NRXN3: variants seen among roughly 807,000 people sequenced by gnomAD.
The protein encoded by NRXN3 is neurexin III.
NRXN3 carries 32 observed loss-of-function variants against 137.6 expected under a neutral mutation model. The observed-to-expected ratio is 0.23, with a 90% CI of 0.18 to 0.31. The LOEUF (loss-of-function observed/expected upper bound fraction) is 0.31, where lower values mean the gene tolerates loss of function less well. Ranked by LOEUF, NRXN3 falls within the 10% of genes least tolerant of loss-of-function variation. The probability of loss-of-function intolerance (pLI) is 1.00; values close to 1 mark genes in which losing one functional copy is unlikely to be tolerated. For synonymous variants in NRXN3, 798 were observed against 784.5 expected, an observed-to-expected ratio of 1.02 and a Z score of -0.29; for missense variants, 1,574 against 2,062.5, an observed-to-expected ratio of 0.76 and a Z score of 4.59.
intron 4 of NRXN3, among the ~76,000 whole-genome samples, chr14:78,503,185 T>C (rs1414220398): frequency 6.6e-6 from 1 of 152,194 alleles, no homozygotes; most frequent in Non-Finnish European, 1.5e-5. Context: ...ATTAGCATAA[T>C]ACCTAAGGGC....
intron 15 of NRXN3, among the ~76,000 whole-genome samples, chr14:79,441,290 A>G (rs1039864791): frequency 2.6e-4 from 39 of 151,020 alleles, no homozygotes; most frequent in African/African-American, 9.2e-4. Flanking sequence ...TTCATTTTCA[A>G]TTCTAAAAAT....
At chr14:79,428,286 A>G (rs931202929) in intron 15 of NRXN3, among the ~76,000 whole-genome samples, 1 of 152,014 alleles carries the variant, frequency 6.6e-6, no homozygotes, top group Non-Finnish European at 1.5e-5. Flanking sequence ...GGGAAATACT[A>G]CTTCTAAAAC....
rs184086116 is a variant in NRXN3, at chr14:78,488,166, G to A, written c.758-156954G>A. Among the ~76,000 whole-genome samples the A allele has an allele frequency of 6.6e-4, 101 of 152,144 alleles. 1 individual carries two copies. The highest frequency in any genetic ancestry group is 2.3e-3 in the African/African-American group (96 of 41,468). On this transcript the variant is annotated intron_variant, in intron 4 of 20. Coordinates refer to ENST00000335750, the MANE Select transcript of NRXN3 (RefSeq NM_001330195.2). ...ATTTCTTCATTCCAAATTTCCTCTT[G>A]TTATAAGGATACCAGTCACACTGGA...
intron 8 of NRXN3, among the ~76,000 whole-genome samples, chr14:78,765,997 A>G (rs1190992121): frequency 2.0e-5 from 3 of 152,156 alleles, no homozygotes; most frequent in Non-Finnish European, 4.4e-5. Flanking sequence ...CCTTCAGCTG[A>G]AGGAGATGGT....
intron 15 of NRXN3, among the ~76,000 whole-genome samples, chr14:79,406,020 C>T (rs745839059): frequency 5.3e-5 from 8 of 152,046 alleles, no homozygotes; most frequent in East Asian, 1.9e-4. Flanking sequence ...ATTAAACAAA[C>T]GCACAAATAA....
chr14:78,577,705 T>A (rs1000854220), intron 4 of NRXN3, among the ~76,000 whole-genome samples: 44 of 152,198 alleles, frequency 2.9e-4, no homozygotes, highest in African/African-American at 1.1e-3. Context: ...CCTCAGGTGA[T>A]CCACCCGCCT....
rs78518460 is a variant in NRXN3 at position 79,533,992 on chromosome 14, T to A, written c.3444+66590T>A. Among the ~76,000 whole-genome samples, 981 of 152,334 alleles carry A rather than the reference T, an allele frequency of 6.4e-3. 7 individuals carry two copies. Among genetic ancestry groups the A allele is most frequent in the African/African-American group, 0.022 (924 of 41,586 alleles). On this transcript the variant is annotated intron_variant, in intron 16 of 20. Coordinates refer to ENST00000335750, the MANE Select transcript of NRXN3 (RefSeq NM_001330195.2). ...TGCAAATGTACTCCTTAACTTTGAATACACTTTTTTCTCTAAGGCGAAAGT... is the reference window on the plus strand; with the variant it reads ...TGCAAATGTACTCCTTAACTTTGAAAACACTTTTTTCTCTAAGGCGAAAGT...
intron 1 of NRXN3, among the ~76,000 whole-genome samples, chr14:78,236,530 A>G (rs1284108249): frequency 6.6e-6 from 1 of 152,242 alleles, no homozygotes. Context: ...TGTTGCCATG[A>G]ACATTCTCAT....
At chr14:78,747,795 G>T (rs1322150979) in intron 8 of NRXN3, among the ~76,000 whole-genome samples, 1 of 152,090 alleles carries the variant, frequency 6.6e-6, no homozygotes, top group Non-Finnish European at 1.5e-5. Flanking sequence ...AGACAATTTT[G>T]CCCTTCTGCT....
rs141731907 is a variant in NRXN3 at position 78,269,516 on chromosome 14, C to T, written c.710-9129C>T. ...AGATGGAAAGTGTGGAAGTGGACAA[C>T]GGTGGTGGTTGTACAACATTACGAA... On this transcript the variant is annotated intron_variant, in intron 2 of 20. Transcript: ENST00000335750. Among the ~76,000 whole-genome samples the T allele has an allele frequency of 3.3e-4, 50 of 152,210 alleles. 2 individuals carry two copies. In the East Asian group the frequency reaches 8.7e-3, roughly 26 times the overall value.
In NRXN3 at chr14:79,789,615, C is replaced by T. The variant is rs142581836; in HGVS notation, c.4015-15497C>T. On this transcript the variant is annotated intron_variant, in intron 19 of 20. Coordinates refer to ENST00000335750, the MANE Select transcript of NRXN3 (RefSeq NM_001330195.2). The stretch of plus-strand genomic sequence containing the variant: ...CTTTTTAGACCTTATAGGGTAACTA[C>T]TCTTGTCCCTTGATGATATGCTAAA... Among the ~76,000 whole-genome samples the T allele has an allele frequency of 4.6e-3, 706 of 152,238 alleles. 42 individuals carry two copies. In the South Asian group the frequency reaches 0.13, roughly 28 times the overall value.
intron 15 of NRXN3, among the ~76,000 whole-genome samples, chr14:79,096,079 C>G (rs2050268207): frequency 6.6e-6 from 1 of 151,288 alleles, no homozygotes; most frequent in Non-Finnish European, 1.5e-5. Context: ...CCCTGCCTCT[C>G]TCTTTTTTGA....
At chr14:79,817,054 C>T (rs2099253732) in intron 20 of NRXN3, among the ~76,000 whole-genome samples, 1 of 151,858 alleles carries the variant, frequency 6.6e-6, no homozygotes, top group Non-Finnish European at 1.5e-5. Flanking sequence ...GTTTAGTTGC[C>T]CCCATAATTA....
intron 10 of NRXN3, among the ~76,000 whole-genome samples, chr14:78,947,753 G>A (rs1364256478): frequency 6.6e-6 from 1 of 152,132 alleles, no homozygotes; most frequent in Non-Finnish European, 1.5e-5. Context: ...CCTGAGTGCT[G>A]ACAGCAGACT....
At chr14:79,849,060 C>T (rs2099386403) in intron 20 of NRXN3, among the ~76,000 whole-genome samples, 2 of 152,168 alleles carry the variant, frequency 1.3e-5, no homozygotes, top group Admixed American at 1.3e-4. Flanking sequence ...TCCCCACACC[C>T]AGTCAAGAAG....
At chr14:78,377,337 G>T (rs1435559784) in intron 4 of NRXN3, among the ~76,000 whole-genome samples, 1 of 152,182 alleles carries the variant, frequency 6.6e-6, no homozygotes, top group African/African-American at 2.4e-5. Flanking sequence ...TGATAAAATG[G>T]TCAGTGTACC....
intron 4 of NRXN3, among the ~76,000 whole-genome samples, chr14:78,440,801 G>C (rs956268287): frequency 7.2e-5 from 11 of 152,210 alleles, no homozygotes; most frequent in African/African-American, 2.6e-4. Context: ...GTCTGCACCT[G>C]GGCTGCCCAA....
rs796107012 is a variant in NRXN3 at position 79,358,607 on chromosome 14, G to GAGAAGGAAAGAAAGAAAGAAAGAA, written c.3263-108610_3263-108609insGGAAAGAAAGAAAGAAAGAAAGAA. Among the ~76,000 whole-genome samples the GAGAAGGAAAGAAAGAAAGAAAGAA allele has an allele frequency of 7.5e-5, 6 of 79,984 alleles. No homozygotes were observed. In the South Asian group the frequency reaches 2.0e-3, roughly 26 times the overall value. The allele number at this position is 79,984 out of a possible 152,430, so 52.5% of individuals were successfully genotyped here. On this transcript the variant is annotated intron_variant, in intron 15 of 20. Transcript: ENST00000335750. ...AGAGAGAAAGAAAGAAAGAAAGAAAGAGAAAGAAAGAAAGAAAGAAAGAAA... is the reference window on the plus strand; with the variant it reads ...AGAGAGAAAGAAAGAAAGAAAGAAAGAGAAGGAAAGAAAGAAAGAAAGAAAGAAAGAAAGAAAGAAAGAAAGAAA...
intron 15 of NRXN3, among the ~76,000 whole-genome samples, chr14:79,117,961 G>A (rs1464363347): frequency 6.6e-6 from 1 of 152,248 alleles, no homozygotes; most frequent in African/African-American, 2.4e-5. Context: ...GGATATGGAA[G>A]TAGTGATAGC....
Sources: gnomAD v4.1 joint callset for allele counts (sites outside exome capture counted in the v4.1 genomes callset) on GRCh38, gnomAD v4.1.1 for gene constraint, MANE v1.5 for transcripts, NCBI Gene and HGNC (gene_info 2026-07-23, HGNC 2026-07-21) for gene names.